Variants in RNF217 observed in about 807,000 individuals in gnomAD.
The protein encoded by RNF217 is E3 ubiquitin-protein ligase RNF217.
In RNF217, 31 loss-of-function variants were observed where a neutral mutation model predicts 57.8. That is an observed-to-expected ratio of 0.54 (90% confidence interval 0.40 to 0.72). The LOEUF is 0.72. Among genes scored for constraint, RNF217 ranks in the 30% least tolerant of loss-of-function variants. The pLI is 0.00. For synonymous variants in RNF217, 313 were observed against 294.0 expected (o/e 1.06, Z -0.66); for missense variants, 696 against 708.3 (o/e 0.98, Z 0.20).
chr6:125,019,572 A>T (rs1194151777), intron 1 of RNF217, among the ~76,000 whole-genome samples: 1 of 152,156 alleles, frequency 6.6e-6, no homozygotes, highest in African/African-American at 2.4e-5. Flanking sequence ...ACTAATTACA[A>T]ATTAATTTTT....
chr6:125,017,860 A>C (rs1162873846), intron 1 of RNF217, among the ~76,000 whole-genome samples: 1 of 152,186 alleles, frequency 6.6e-6, no homozygotes, highest in Admixed American at 6.5e-5. Context: ...GCAGTGGTGA[A>C]AGGTCAAAAT....
At chr6:125,034,014 T>C (rs1786486775) in intron 1 of RNF217, among the ~76,000 whole-genome samples, 3 of 152,080 alleles carry the variant, frequency 2.0e-5, no homozygotes, top group Admixed American at 2.0e-4. Flanking sequence ...TGTCTGTTCA[T>C]ATCCTTTGCC....
At chr6:125,028,094 G>C (rs1395576087) in intron 1 of RNF217, among the ~76,000 whole-genome samples, 1 of 152,054 alleles carries the variant, frequency 6.6e-6, no homozygotes, top group Non-Finnish European at 1.5e-5. Flanking sequence ...TCACTTTGTT[G>C]GTTATATCTT....
intron 1 of RNF217, among the ~76,000 whole-genome samples, chr6:125,007,451 T>G (rs1267589948): frequency 6.6e-6 from 1 of 152,084 alleles, no homozygotes; most frequent in Non-Finnish European, 1.5e-5. Flanking sequence ...TTCTCCATGT[T>G]GGTCAGGCTG....
At chr6:124,966,775 G>C (rs1275686526) in intron 1 of RNF217, among the ~76,000 whole-genome samples, 2 of 152,222 alleles carry the variant, frequency 1.3e-5, no homozygotes, top group African/African-American at 4.8e-5. Context: ...TTTTTAGACA[G>C]TATGTTTTCA....
Position 125,057,939 on chromosome 6 carries a change from C to A in RNF217, c.1117-3C>A, listed in dbSNP as rs779174706. The A allele has an allele frequency of 2.5e-6, 4 of 1,596,438 alleles. No individual in the cohort carries two copies. The South Asian group carries it at 3.4e-5, about 14-fold the overall frequency. On this transcript the variant is annotated splice_polypyrimidine_tract_variant and splice_region_variant and intron_variant, in intron 2 of 5. Coordinates refer to ENST00000521654, the MANE Select transcript of RNF217 (RefSeq NM_001286398.3). ...TAATTAATATGATTTTTTTCTTACA[C>A]AGATCCAGTGCCCTACCTGCCAATT...
At chr6:125,064,468 A>G (rs1430764964) in intron 3 of RNF217, among the ~76,000 whole-genome samples, 6 of 152,202 alleles carry the variant, frequency 3.9e-5, no homozygotes, top group Admixed American at 3.9e-4. Flanking sequence ...TAATGTGACT[A>G]CCTATAATAT....
Position 125,086,318 on chromosome 6 carries a change from C to T in RNF217, c.*3381C>T, listed in dbSNP as rs966099341. ...AAACTTACAATAGGAAATTTTTTTT[C>T]AATAAAAATAAAATTTGAGGAGATG... On this transcript the variant is annotated 3_prime_UTR_variant, in exon 6 of 6. Coordinates refer to ENST00000521654, the MANE Select transcript of RNF217 (RefSeq NM_001286398.3). The T allele has an allele frequency of 1.3e-5, 2 of 149,906 alleles. No individual in the cohort carries two copies. Among genetic ancestry groups the T allele is most frequent in the Non-Finnish European group, 3.0e-5 (2 of 67,172 alleles). The allele number at this position is 149,906 out of a possible 1,614,324, so 9.3% of individuals were successfully genotyped here. A position where few individuals can be genotyped will look rare whatever the true frequency, so the allele number is the denominator to read the frequency against.
chr6:124,978,424 TG>T lies in RNF217; in HGVS notation c.882+14999del, dbSNP rs1320941135. ...TGCTGTGAGCGGCTTCCACCTTGGG[TG>T]CCAGCAACTAGATGAGGGGAATGCG... On this transcript the variant is annotated intron_variant, in intron 1 of 5. Transcript: ENST00000521654. Among the ~76,000 whole-genome samples, 12 of 150,940 alleles carry T rather than the reference TG, an allele frequency of 8.0e-5. No individual in the cohort carries two copies. The Admixed American group carries it at 8.0e-4, about 10-fold the overall frequency.
intron 2 of RNF217, among the ~76,000 whole-genome samples, chr6:125,052,833 A>G (rs2114567181): frequency 6.6e-6 from 1 of 152,232 alleles, no homozygotes; most frequent in South Asian, 2.1e-4. Flanking sequence ...TCTTTAGGAC[A>G]TACCCGAATC....
intron 1 of RNF217, among the ~76,000 whole-genome samples, chr6:125,032,122 C>A (rs957319793): frequency 6.6e-6 from 1 of 152,122 alleles, no homozygotes; most frequent in African/African-American, 2.4e-5. Context: ...TTACCTCCCC[C>A]TGGGTCCCTC....
chr6:125,076,663 A>T lies in RNF217; in HGVS notation c.1288A>T (p.Ile430Phe). The T allele has an allele frequency of 6.2e-7, 1 of 1,609,582 alleles. No homozygotes were observed. The highest frequency in any genetic ancestry group is 8.5e-7 in the Non-Finnish European group (1 of 1,176,132). The change falls in exon 4 of 6, where the codon ATC (isoleucine) becomes TTC (phenylalanine). Residue 430 changes from isoleucine (I) to phenylalanine (F), a missense_variant. Physicochemically the swap from Ile to Phe is conservative, Grantham distance 21. This residue lies in a region of RNF217 where 231 missense variants were observed against 321.4 expected (regional missense o/e 0.72). Transcript: ENST00000521654. ...CCCTCTCTTGCTGATACAGATCCACATCCAGCGAACTGAAGGATGTGACCA... is the reference window on the plus strand; with the variant it reads ...CCCTCTCTTGCTGATACAGATCCACTTCCAGCGAACTGAAGGATGTGACCA... ...AQKCPKCKIHIQRTEGCDHMT... is the reference protein window; with the variant it reads ...AQKCPKCKIHFQRTEGCDHMT...
intron 1 of RNF217, among the ~76,000 whole-genome samples, chr6:125,028,394 T>C (rs944485893): frequency 1.3e-5 from 2 of 152,102 alleles, no homozygotes; most frequent in Non-Finnish European, 2.9e-5. Context: ...ATTCAAATCT[T>C]TTGCCCATTT....
At chr6:125,020,831 C>T (rs891542927) in intron 1 of RNF217, among the ~76,000 whole-genome samples, 2 of 152,112 alleles carry the variant, frequency 1.3e-5, no homozygotes, top group African/African-American at 4.8e-5. Flanking sequence ...TTAAAGCTTA[C>T]AATTAGTAAG....
At chr6:125,014,376 G>T (rs1295135667) in intron 1 of RNF217, among the ~76,000 whole-genome samples, 2 of 152,150 alleles carry the variant, frequency 1.3e-5, no homozygotes, top group African/African-American at 4.8e-5. Flanking sequence ...ATTCTGTGAG[G>T]TATATGTAGA....
At chr6:124,964,207 G>T (rs1783432617) in intron 1 of RNF217, among the ~76,000 whole-genome samples, 1 of 152,180 alleles carries the variant, frequency 6.6e-6, no homozygotes, top group South Asian at 2.1e-4. Flanking sequence ...AATCTGTGAT[G>T]TTTCTGCCAG....
chr6:124,969,040 G>C lies in RNF217; in HGVS notation c.882+5614G>C, dbSNP rs551366793. Among the ~76,000 whole-genome samples, 14 of 152,236 alleles carry C rather than the reference G, an allele frequency of 9.2e-5. No individual in the cohort carries two copies. In the East Asian group the frequency reaches 2.7e-3, roughly 29 times the overall value. On this transcript the variant is annotated intron_variant, in intron 1 of 5. Coordinates refer to ENST00000521654, the MANE Select transcript of RNF217 (RefSeq NM_001286398.3). ...CAGCTTTATCTGATGGCATAAATAA[G>C]CTTTTTTTTAAAAAAGTTACTAGAC...
intron 1 of RNF217, among the ~76,000 whole-genome samples, chr6:125,003,740 T>G (rs1785068942): frequency 6.6e-6 from 1 of 152,154 alleles, no homozygotes; most frequent in African/African-American, 2.4e-5. Flanking sequence ...ATACAGGTAG[T>G]TATAGCAAAG....
chr6:124,962,852 T>A lies in RNF217; in HGVS notation c.308T>A (p.Leu103Gln), dbSNP rs1582639080. 6.3e-7 allele frequency: 1 copy of A among 1,597,810 alleles called. No homozygotes were observed. The highest frequency in any genetic ancestry group is 1.3e-5 in the African/African-American group (1 of 74,876). The change falls in exon 1 of 6, where the codon CTG (leucine) becomes CAG (glutamine). Residue 103 changes from leucine to glutamine, a missense_variant. Leu to Gln is a moderately radical substitution (Grantham distance 113). Transcript: ENST00000521654. This position sits in a 1 kb window ranked among gnomAD's most constrained non-coding sequence, Gnocchi z 4.6. ...CCTCTCAATCCCCAGACCTTGCCAC[T>A]GCAGTTGGAGCTGGAGGAGGAAGAG... is the stretch of plus-strand genomic sequence containing the variant. ...TGPLNPQTLP[L>Q]QLELEEEEEE...
Sources: gnomAD v4.1 joint callset for allele counts (sites outside exome capture counted in the v4.1 genomes callset) on GRCh38, gnomAD v4.1.1 for gene constraint, gnomAD v4.1.1 regional missense constraint, Gnocchi (gnomAD v3.1) non-coding constraint, MANE v1.5 for transcripts, NCBI Gene and HGNC (gene_info 2026-07-23, HGNC 2026-07-21) for gene names.